SETD2: variants seen among roughly 807,000 people sequenced by gnomAD.
SETD2 encodes SET domain containing 2, histone lysine methyltransferase, also known as histone-lysine N-methyltransferase SETD2.
In SETD2, 31 loss-of-function variants were observed where a neutral mutation model predicts 242.1. That is an observed-to-expected ratio of 0.13 (90% CI 0.10 to 0.17). SETD2 has a LOEUF of 0.17. Ranked by LOEUF, SETD2 falls within the 10% of genes least tolerant of loss-of-function variation. The probability of loss-of-function intolerance (pLI) is 1.00; values close to 1 mark genes in which losing one functional copy is unlikely to be tolerated. For missense variants in SETD2, 2,481 were observed against 3,046.3 expected (o/e 0.81, Z 4.37); for synonymous variants, 1,006 against 1,066.5 (o/e 0.94, Z 1.11).
Position 47,124,329 on chromosome 3 carries a change from G to A in SETD2, c.307C>T (p.Pro103Ser), listed in dbSNP as rs1285112235. Residue 103 changes from proline (P) to serine (S), a missense_variant, in exon 3 of 21, where the codon CCT (proline) becomes TCT (serine). By Grantham distance (74) the Pro-to-Ser change is moderately conservative (BLOSUM62 -1). Coordinates refer to ENST00000409792, the MANE Select transcript of SETD2 (RefSeq NM_014159.7). ...TCTACCTGAAGAGGTACAGCTGGAGGGTTTGGAGTATCACTTTGCTTTTCA... is the reference window on the plus strand; with the variant it reads ...TCTACCTGAAGAGGTACAGCTGGAGAGTTTGGAGTATCACTTTGCTTTTCA... The part of the protein sequence containing the change: ...GNEKQSDTPN[P>S]PAVPLQVDST... The A allele has an allele frequency of 6.4e-7, 1 of 1,551,614 alleles. No individual in the cohort carries two copies. Among genetic ancestry groups the A allele is most frequent in the Non-Finnish European group, 8.7e-7 (1 of 1,146,996 alleles).
intron 15 of SETD2, among the ~76,000 whole-genome samples, chr3:47,049,735 A>G (rs1310195174): frequency 1.4e-5 from 2 of 146,214 alleles, no homozygotes; most frequent in African/African-American, 5.0e-5. Flanking sequence ...TTCTGAGTTT[A>G]TATTATATAT....
At chr3:47,096,579 A>C (rs1394142815) in intron 9 of SETD2, among the ~76,000 whole-genome samples, 2 of 79,696 alleles carry the variant, frequency 2.5e-5, no homozygotes, top group Non-Finnish European at 2.7e-5. Flanking sequence ...CTCAAAAAAA[A>C]AAAAAAAAAA....
At chr3:47,111,302 A>C (rs2042642540) in intron 5 of SETD2, among the ~76,000 whole-genome samples, 1 of 152,134 alleles carries the variant, frequency 6.6e-6, no homozygotes, top group South Asian at 2.1e-4. Flanking sequence ...CAATGAATGG[A>C]TATGGGGCAT....
At position 47,042,499 on chromosome 3, in the gene SETD2, T is replaced by A. The variant is rs182205596; in HGVS notation, c.7238+62A>T. 3.5e-5 allele frequency: 54 copies of A among 1,562,818 alleles called. No homozygotes were observed. In the Admixed American group the frequency reaches 6.7e-4, roughly 19 times the overall value. On this transcript the variant is annotated intron_variant, in intron 17 of 20. Coordinates refer to ENST00000409792, the MANE Select transcript of SETD2 (RefSeq NM_014159.7). ...GTTTACAACTGTAAAACTCCCCTTA[T>A]AGTGGCAACTTCTTTGATTAAGTAA...
chr3:47,097,848 T>C, intron 9 of SETD2, 107 bp downstream of exon 9: 4 of 1,065,310 alleles, frequency 3.8e-6, no homozygotes, highest in South Asian at 1.5e-5. Flanking sequence ...CATCTGATCT[T>C]GGATTTCTCT....
At chr3:47,101,103 T>C (rs1284310182) in intron 8 of SETD2, among the ~76,000 whole-genome samples, 2 of 151,510 alleles carry the variant, frequency 1.3e-5, no homozygotes, top group African/African-American at 4.9e-5. Context: ...TTATGAGTTA[T>C]GCTAACTGTT....
chr3:47,086,139 A>G (rs1575748432), intron 11 of SETD2, 56 bp downstream of exon 11: 1 of 1,592,822 alleles, frequency 6.3e-7, no homozygotes. Context: ...CATATCCACA[A>G]CCGAGGCAAT....
chr3:47,096,445 G>A (rs1003167741), intron 9 of SETD2, among the ~76,000 whole-genome samples: 2 of 152,170 alleles, frequency 1.3e-5, no homozygotes, highest in Non-Finnish European at 2.9e-5. Context: ...GGTAGCTCAT[G>A]CCTGTAATCC....
chr3:47,089,524 C>G (rs1202740168), intron 9 of SETD2, among the ~76,000 whole-genome samples: 1 of 152,112 alleles, frequency 6.6e-6, no homozygotes, highest in African/African-American at 2.4e-5. Context: ...CAGAGAAGCA[C>G]TAACAAGGAT....
In SETD2 at chr3:47,162,985, T is replaced by A. The variant is rs576762715; in HGVS notation, c.71+869A>T. Among the ~76,000 whole-genome samples the A allele has an allele frequency of 2.0e-5, 3 of 152,316 alleles. No individual in the cohort carries two copies. In the East Asian group the frequency reaches 5.8e-4, roughly 29 times the overall value. On this transcript the variant is annotated intron_variant, in intron 1 of 20. Coordinates refer to ENST00000409792, the MANE Select transcript of SETD2 (RefSeq NM_014159.7). The stretch of plus-strand genomic sequence containing the variant: ...CCACAACATTGTCTTCTTTAGAGAA[T>A]CCTCAAACGATTCTTGGTTTTTAAC...
intron 1 of SETD2, among the ~76,000 whole-genome samples, chr3:47,140,432 C>A (rs1408621895): frequency 1.3e-5 from 2 of 152,168 alleles, no homozygotes; most frequent in East Asian, 1.9e-4. Flanking sequence ...CTGAGTTAAT[C>A]TTTTCAATTA....
chr3:47,159,443 A>G (rs1337651033), intron 1 of SETD2, among the ~76,000 whole-genome samples: 1 of 152,140 alleles, frequency 6.6e-6, no homozygotes, highest in African/African-American at 2.4e-5. Flanking sequence ...CTCACATGTC[A>G]TATTAGTTCC....
In SETD2 at chr3:47,016,950, G is replaced by A; in HGVS notation, c.*143C>T. Reference sequence around the variant, plus strand: ...GAGTTCATTTTTGTGGCCTTCAGTTGACATCTGCAGGGTTGAATTCCCCAG... The same window carrying A: ...GAGTTCATTTTTGTGGCCTTCAGTTAACATCTGCAGGGTTGAATTCCCCAG... On this transcript the variant is annotated 3_prime_UTR_variant, in exon 21 of 21. Transcript: ENST00000409792. The A allele has an allele frequency of 1.3e-6, 1 of 765,742 alleles. No individual in the cohort carries two copies. Among genetic ancestry groups the A allele is most frequent in the East Asian group, 2.5e-5 (1 of 39,480 alleles). 47.4% of individuals were successfully genotyped at this position (765,742 alleles called of 1,614,324 possible).
At chr3:47,127,125 G>A (rs1575824966) in intron 1 of SETD2, among the ~76,000 whole-genome samples, 1 of 152,116 alleles carries the variant, frequency 6.6e-6, no homozygotes, top group Admixed American at 6.6e-5. Flanking sequence ...GGGAGGCTGA[G>A]GCCGGCTGAT....
rs184257437 is a variant in SETD2 at position 47,032,688 on chromosome 3, G to A, written c.7350+4978C>T. On this transcript the variant is annotated intron_variant, in intron 18 of 20. Transcript: ENST00000409792. ...GCACTTTAGGAGGCCGAGACAAGTG[G>A]ATCACCTGAGGTCAGGAGTTCGAGA... Among the ~76,000 whole-genome samples, 254 of 152,118 alleles carry A rather than the reference G, an allele frequency of 1.7e-3. 2 individuals are homozygous for A. The highest frequency in any genetic ancestry group is 5.4e-3 in the African/African-American group (225 of 41,512).
At chr3:47,102,709 G>A (rs2042262616) in intron 7 of SETD2, among the ~76,000 whole-genome samples, 2 of 144,422 alleles carry the variant, frequency 1.4e-5, no homozygotes, top group African/African-American at 2.6e-5. Context: ...CAGGAGAATC[G>A]CATGAATCCA....
chr3:47,137,521 T>A (rs2106780384), intron 1 of SETD2, among the ~76,000 whole-genome samples: 1 of 152,142 alleles, frequency 6.6e-6, no homozygotes, highest in Middle Eastern at 3.4e-3. Context: ...AAGAGTTGGT[T>A]GTTTATTTTT....
At chr3:47,057,969 CT>C (rs2040150418) in intron 14 of SETD2, among the ~76,000 whole-genome samples, 1 of 151,938 alleles carries the variant, frequency 6.6e-6, no homozygotes, top group Non-Finnish European at 1.5e-5. Context: ...TGAATTCCAA[CT>C]GGGAAAAGAA....
At chr3:47,096,872 GTGTT>G (rs1361059373) in intron 9 of SETD2, among the ~76,000 whole-genome samples, 3 of 152,156 alleles carry the variant, frequency 2.0e-5, no homozygotes, top group Admixed American at 2.0e-4. Context: ...GGAAATACAG[GTGTT>G]TGTTATATAA....
Sources: gnomAD v4.1 joint callset for allele counts (sites outside exome capture counted in the v4.1 genomes callset) on GRCh38, gnomAD v4.1.1 for gene constraint, MANE v1.5 for transcripts, NCBI Gene and HGNC (gene_info 2026-07-23, HGNC 2026-07-21) for gene names.